The following RALA variants were observed in gnomAD, a reference collection of about 807,000 sequenced individuals.
RALA encodes RAS like proto-oncogene A.
Under a neutral mutation model 24.0 loss-of-function variants are expected in RALA, and 5 were observed. That is an observed-to-expected ratio of 0.21 (90% CI 0.11 to 0.44). RALA has a LOEUF of 0.44. Among genes scored for constraint, RALA ranks in the 20% least tolerant of loss-of-function variants. The pLI is 0.99. For missense variants in RALA, 95 were observed against 241.2 expected (o/e 0.39, Z 4.01); for synonymous variants, 77 against 83.8 (o/e 0.92, Z 0.44).
intron 3 of RALA, among the ~76,000 whole-genome samples, chr7:39,691,066 A>G (rs1792807831): frequency 6.6e-6 from 1 of 152,086 alleles, no homozygotes; most frequent in South Asian, 2.1e-4. Flanking sequence ...TCTTTTTCTT[A>G]TTACATGGGA....
chr7:39,697,278 C>A, intron 4 of RALA: 1 of 428,336 alleles, frequency 2.3e-6, no homozygotes, highest in Non-Finnish European at 4.7e-6. Context: ...AAGAAGCCCC[C>A]AGATAAGAGC....
chr7:39,673,910 G>A (rs796806210), intron 1 of RALA, among the ~76,000 whole-genome samples: 2 of 152,044 alleles, frequency 1.3e-5, no homozygotes, highest in African/African-American at 4.8e-5. Context: ...TTGGAAGGCC[G>A]AGGCAGGTGG....
chr7:39,668,797 C>CAA (rs70996827), intron 1 of RALA, among the ~76,000 whole-genome samples: 17 of 81,878 alleles, frequency 2.1e-4, no homozygotes, highest in Admixed American at 6.1e-4. Flanking sequence ...AATTCCATCT[C>CAA]AAAAAAAAAA....
At chr7:39,626,767 G>A (rs1168172040) in intron 1 of RALA, among the ~76,000 whole-genome samples, 2 of 152,176 alleles carry the variant, frequency 1.3e-5, no homozygotes, top group African/African-American at 4.8e-5. Flanking sequence ...TATTTGTAGT[G>A]ACCTTTCCTT....
chr7:39,696,712 T>A lies in RALA; in HGVS notation c.351T>A (p.Asp117Glu). ...FREQILRVKEDENVPFLLVGN... is the reference protein window; with the variant it reads ...FREQILRVKEEENVPFLLVGN... Reference sequence around the variant, plus strand: ...AGCAGATTTTAAGAGTAAAAGAAGATGAGAATGTTCCATTTCTACTGGTTG... The same window carrying A: ...AGCAGATTTTAAGAGTAAAAGAAGAAGAGAATGTTCCATTTCTACTGGTTG... Residue 117 changes from aspartate (D) to glutamate (E), a missense_variant, in exon 4 of 5, where the codon GAT becomes GAA. Coordinates refer to ENST00000005257, the MANE Select transcript of RALA (RefSeq NM_005402.4). The A allele has an allele frequency of 1.2e-6, 2 of 1,607,092 alleles. No homozygotes were observed. The highest frequency in any genetic ancestry group is 1.7e-6 in the Non-Finnish European group (2 of 1,176,092).
At chr7:39,670,291 G>A (rs544069222) in intron 1 of RALA, among the ~76,000 whole-genome samples, 6 of 152,226 alleles carry the variant, frequency 3.9e-5, no homozygotes, top group Non-Finnish European at 7.4e-5. Flanking sequence ...GACTACGGGC[G>A]TGTGCCACCA....
chr7:39,652,477 CGTTGGTTT>C (rs1562612158), intron 1 of RALA, among the ~76,000 whole-genome samples: 2 of 152,046 alleles, frequency 1.3e-5, no homozygotes, highest in African/African-American at 4.8e-5. Flanking sequence ...GATGAAGGTC[CGTTGGTTT>C]TATTGGGTTC....
chr7:39,646,148 A>G (rs1482428470), intron 1 of RALA, among the ~76,000 whole-genome samples: 2 of 152,156 alleles, frequency 1.3e-5, no homozygotes, highest in Admixed American at 1.3e-4. Flanking sequence ...TTTGAAAGAT[A>G]AAACTATGCT....
At chr7:39,659,163 TG>T (rs1285144016) in intron 1 of RALA, among the ~76,000 whole-genome samples, 2 of 151,724 alleles carry the variant, frequency 1.3e-5, no homozygotes, top group Non-Finnish European at 2.9e-5. Flanking sequence ...GCTGCTGTGG[TG>T]GGGATGAAAT....
intron 1 of RALA, among the ~76,000 whole-genome samples, chr7:39,647,206 C>G (rs1791941276): frequency 6.6e-6 from 1 of 152,140 alleles, no homozygotes; most frequent in Non-Finnish European, 1.5e-5. Context: ...GCATGCCCAG[C>G]TGATTTTTGT....
chr7:39,683,368 A>AGT (rs1792639810), intron 1 of RALA, among the ~76,000 whole-genome samples: 2 of 152,128 alleles, frequency 1.3e-5, no homozygotes, highest in Admixed American at 6.6e-5. Context: ...TGGTTTCTTC[A>AGT]AAACATTCAG....
intron 1 of RALA, among the ~76,000 whole-genome samples, chr7:39,628,408 C>CACAT (rs1214607791): frequency 2.1e-5 from 3 of 143,250 alleles, no homozygotes; most frequent in Non-Finnish European, 4.6e-5. Flanking sequence ...CACACACACA[C>CACAT]ACACATTCTT....
intron 1 of RALA, among the ~76,000 whole-genome samples, chr7:39,660,036 A>T (rs550014921): frequency 2.4e-4 from 36 of 151,032 alleles, no homozygotes; most frequent in Admixed American, 5.9e-4. Flanking sequence ...CTTTAAAAAA[A>T]TTTTTTTTTT....
In RALA at chr7:39,650,716, CA is replaced by C. The variant is rs1792004211; in HGVS notation, c.-38+26894del. The stretch of plus-strand genomic sequence containing the variant: ...CCAATATCTTAGCTGCTTAAAACAA[CA>C]AACATTTATTACCACAGTTCCTGTG... On this transcript the variant is annotated intron_variant, in intron 1 of 4. Coordinates refer to ENST00000005257, the MANE Select transcript of RALA (RefSeq NM_005402.4). Among the ~76,000 whole-genome samples the C allele has an allele frequency of 3.3e-5, 5 of 152,284 alleles. No homozygotes were observed. The South Asian group carries it at 1.0e-3, about 32-fold the overall frequency.
At chr7:39,628,701 A>G (rs1236775241) in intron 1 of RALA, among the ~76,000 whole-genome samples, 1 of 151,908 alleles carries the variant, frequency 6.6e-6, no homozygotes, top group African/African-American at 2.4e-5. Flanking sequence ...GATTACAGGC[A>G]CGCGGCACCA....
chr7:39,688,027 A>G (rs920214763), intron 2 of RALA, among the ~76,000 whole-genome samples: 1 of 152,146 alleles, frequency 6.6e-6, no homozygotes, highest in Non-Finnish European at 1.5e-5. Flanking sequence ...CTGGGATTAC[A>G]GGTATGAGCC....
At chr7:39,631,181 T>A (rs1791591821) in intron 1 of RALA, among the ~76,000 whole-genome samples, 1 of 150,360 alleles carries the variant, frequency 6.7e-6, no homozygotes, top group African/African-American at 2.5e-5. Flanking sequence ...CTTATTTTTT[T>A]ATTTTTAGTA....
intron 2 of RALA, among the ~76,000 whole-genome samples, chr7:39,687,538 A>G (rs1404209205): frequency 6.6e-6 from 1 of 152,216 alleles, no homozygotes; most frequent in Non-Finnish European, 1.5e-5. Context: ...ATTTATAATT[A>G]CCACACAGGT....
At chr7:39,679,050 T>G (rs1203339337) in intron 1 of RALA, among the ~76,000 whole-genome samples, 1 of 149,316 alleles carries the variant, frequency 6.7e-6, no homozygotes, top group East Asian at 1.9e-4. Context: ...ATGCATAGCA[T>G]ATGGGATATG....
Sources: allele counts gnomAD v4.1 joint callset (sites outside exome capture counted in the v4.1 genomes callset), GRCh38; gene constraint gnomAD v4.1.1; transcripts MANE v1.5; gene names NCBI Gene and HGNC (gene_info 2026-07-23, HGNC 2026-07-21).